Variants in PDE3B observed in about 807,000 individuals in gnomAD.
The protein encoded by PDE3B is cGMP-inhibited 3',5'-cyclic phosphodiesterase 3B.
A neutral mutation model predicts 116.8 loss-of-function variants in PDE3B; 66 were observed. The observed-to-expected ratio is 0.56, with a 90% CI of 0.46 to 0.69. The LOEUF (loss-of-function observed/expected upper bound fraction) is 0.69. PDE3B is among the 30% of genes least tolerant of loss of function. The probability of loss-of-function intolerance (pLI) is 0.00; values close to 1 mark genes in which losing one functional copy is unlikely to be tolerated. For missense variants in PDE3B, 1,384 were observed against 1,368.1 expected (o/e 1.01, Z -0.18); for synonymous variants, 595 against 533.6 (o/e 1.12, Z -1.59).
chr11:14,683,661 C>G (rs1020325339), intron 1 of PDE3B, among the ~76,000 whole-genome samples: 2 of 151,714 alleles, frequency 1.3e-5, no homozygotes. Context: ...TTTCTGTTAT[C>G]ACTCTTATTG....
At position 14,855,635 on chromosome 11, in the gene PDE3B, A is replaced by G. The variant is rs572713782; in HGVS notation, c.2521-3408A>G. Among the ~76,000 whole-genome samples, 18 of 152,220 alleles carry G rather than the reference A, an allele frequency of 1.2e-4. 1 individual carries two copies. The East Asian group carries it at 3.5e-3, about 29-fold the overall frequency. On this transcript the variant is annotated intron_variant, in intron 12 of 15. Transcript: ENST00000282096. ...CAGCAAGAAAATAAATACATAAATA[A>G]TGTGTGTGAGCAAGAGAGAGAGAGA...
chr11:14,646,967 C>T (rs1996844), intron 1 of PDE3B, among the ~76,000 whole-genome samples: 1 of 152,020 alleles, frequency 6.6e-6, no homozygotes, highest in Non-Finnish European at 1.5e-5. Context: ...ACATGCCTAC[C>T]TAATATTCTG....
At chr11:14,768,807 A>C (rs1389355907) in intron 1 of PDE3B, among the ~76,000 whole-genome samples, 4 of 151,476 alleles carry the variant, frequency 2.6e-5, no homozygotes, top group Non-Finnish European at 4.4e-5. Flanking sequence ...AAAATATATA[A>C]ACCTTTACTC....
chr11:14,873,118 G>A (rs548125075), downstream of PDE3B, among the ~76,000 whole-genome samples: 6 of 152,298 alleles, frequency 3.9e-5, no homozygotes, highest in Non-Finnish European at 7.4e-5. Flanking sequence ...CTCTATCTGA[G>A]CATAATCAAG....
intron 1 of PDE3B, among the ~76,000 whole-genome samples, chr11:14,665,870 T>TCCCCATCA (rs1357327926): frequency 4.6e-5 from 7 of 152,106 alleles, no homozygotes; most frequent in African/African-American, 1.7e-4. Context: ...AGGTAATTTA[T>TCCCCATCA]AGATTCAATG....
Position 14,832,742 on chromosome 11 carries a change from A to T in PDE3B, c.2115A>T (p.Gln705His). The change falls in exon 10 of 16, where the codon CAA becomes CAT. Residue 705 changes from glutamine to histidine, a missense_variant. Gln to His is a conservative substitution (Grantham distance 24). This residue lies in a region of PDE3B where 428 missense variants were observed against 561.4 expected (regional missense o/e 0.76). Transcript: ENST00000282096. ...ILSQVMYTLF[Q>H]DTGLLEIFKI... ...TTTAGGTTATGTATACCTTATTTCA[A>T]GACACTGGTTTATTGGAAATATTTA... The T allele has an allele frequency of 7.0e-7, 1 of 1,426,130 alleles. No individual in the cohort carries two copies. The highest frequency in any genetic ancestry group is 9.8e-7 in the Non-Finnish European group (1 of 1,023,858). The allele number at this position is 1,426,130 out of a possible 1,614,324, so 88.3% of individuals were successfully genotyped here.
chr11:14,755,021 G>A (rs764468138), intron 1 of PDE3B, among the ~76,000 whole-genome samples: 6 of 152,150 alleles, frequency 3.9e-5, no homozygotes, highest in Admixed American at 1.3e-4. Flanking sequence ...CCTCAACCAC[G>A]ATTACTGAAC....
At chr11:14,869,185 C>T (rs1238229021) in intron 15 of PDE3B, among the ~76,000 whole-genome samples, 3 of 152,096 alleles carry the variant, frequency 2.0e-5, no homozygotes, top group African/African-American at 7.2e-5. Context: ...TAAACCTCTT[C>T]TCTATTTTGT....
At chr11:14,650,845 A>AT (rs1011537361) in intron 1 of PDE3B, among the ~76,000 whole-genome samples, 3 of 151,824 alleles carry the variant, frequency 2.0e-5, no homozygotes, top group Non-Finnish European at 2.9e-5. Flanking sequence ...AAGGAAGTAG[A>AT]TTTTTTCCCT....
intron 1 of PDE3B, among the ~76,000 whole-genome samples, chr11:14,659,248 T>C (rs1177305198): frequency 6.6e-6 from 1 of 152,202 alleles, no homozygotes; most frequent in African/African-American, 2.4e-5. Flanking sequence ...GGTGAGGTCA[T>C]AGTGAGGCAG....
At chr11:14,808,388 C>A (rs1275044197) in intron 5 of PDE3B, among the ~76,000 whole-genome samples, 1 of 152,136 alleles carries the variant, frequency 6.6e-6, no homozygotes, top group Non-Finnish European at 1.5e-5. Flanking sequence ...ATATGTGAAA[C>A]ATGCAAAGAT....
intron 2 of PDE3B, among the ~76,000 whole-genome samples, chr11:14,785,570 A>C (rs1433629068): frequency 6.6e-6 from 1 of 152,256 alleles, no homozygotes; most frequent in East Asian, 1.9e-4. Flanking sequence ...AACAAAAAAC[A>C]AAAGTAACAT....
intron 1 of PDE3B, among the ~76,000 whole-genome samples, chr11:14,672,256 G>A (rs890156159): frequency 1.3e-5 from 2 of 151,726 alleles, no homozygotes; most frequent in African/African-American, 4.8e-5. Flanking sequence ...TTGCTATTAA[G>A]TGAATTCATG....
At chr11:14,675,483 A>C (rs1854507175) in intron 1 of PDE3B, among the ~76,000 whole-genome samples, 1 of 152,186 alleles carries the variant, frequency 6.6e-6, no homozygotes, top group East Asian at 1.9e-4. Context: ...AACCAAAACA[A>C]GATACAGAAT....
At chr11:14,781,930 A>T (rs1200567437) in intron 2 of PDE3B, among the ~76,000 whole-genome samples, 1 of 152,194 alleles carries the variant, frequency 6.6e-6, no homozygotes, top group Non-Finnish European at 1.5e-5. Context: ...GTCAGCCCCA[A>T]ATCTCCTTAA....
At chr11:14,884,233 T>A in the PDE3B span, among the ~76,000 whole-genome samples, 1 of 151,932 alleles carries the variant, frequency 6.6e-6, no homozygotes, top group South Asian at 2.1e-4. Flanking sequence ...CATGCACACA[T>A]ATGTTTATTG....
At chr11:14,813,226 T>G (rs977750692) in intron 5 of PDE3B, among the ~76,000 whole-genome samples, 3 of 152,236 alleles carry the variant, frequency 2.0e-5, no homozygotes, top group Non-Finnish European at 4.4e-5. Context: ...AAATTTATAC[T>G]TATAATTCTG....
chr11:14,861,221 G>A lies in PDE3B; in HGVS notation c.2741G>A (p.Ser914Asn). ...CCAAAATAGGCAAATGATGTAAATA[G>A]TAATGGCATAGAATGGAGTAATGAA... Reference protein sequence around the residue: ...EFNAKANDVNSNGIEWSNEND... With the variant: ...EFNAKANDVNNNGIEWSNEND... Residue 914 changes from serine (S) to asparagine (N), a missense_variant, in exon 14 of 16, where the codon AGT becomes AAT. Transcript: ENST00000282096. The A allele has an allele frequency of 6.2e-7, 1 of 1,612,522 alleles. No individual in the cohort carries two copies. Among genetic ancestry groups the A allele is most frequent in the Non-Finnish European group, 8.5e-7 (1 of 1,178,894 alleles).
intron 1 of PDE3B, among the ~76,000 whole-genome samples, chr11:14,684,201 G>A (rs929637414): frequency 2.0e-5 from 3 of 152,146 alleles, no homozygotes; most frequent in Admixed American, 6.5e-5. Context: ...CCCACCCCCC[G>A]TATTTCAACG....
Sources: gnomAD v4.1 joint callset for allele counts (sites outside exome capture counted in the v4.1 genomes callset) on GRCh38, gnomAD v4.1.1 for gene constraint, gnomAD v4.1.1 regional missense constraint, MANE v1.5 for transcripts, NCBI Gene and HGNC (gene_info 2026-07-23, HGNC 2026-07-21) for gene names.